DENND4C: variants seen among roughly 807,000 people sequenced by gnomAD.
DENND4C encodes DENN domain-containing protein 4C.
Under a neutral mutation model 203.0 loss-of-function variants are expected in DENND4C, and 108 were observed. The ratio of observed to expected loss-of-function variants is 0.53; its 90% CI spans 0.46 to 0.62. The LOEUF is 0.62. DENND4C is among the 20% of genes least tolerant of loss of function. The probability of loss-of-function intolerance (pLI) is 0.00; values close to 1 mark genes in which losing one functional copy is unlikely to be tolerated. For missense variants in DENND4C, 2,481 were observed against 2,301.2 expected, an observed-to-expected ratio of 1.08 and a Z score of -1.60; for synonymous variants, 871 against 792.4, an observed-to-expected ratio of 1.10 and a Z score of -1.67.
At chr9:19,328,887 A>T (rs1040093954) in intron 16 of DENND4C, among the ~76,000 whole-genome samples, 6 of 151,914 alleles carry the variant, frequency 3.9e-5, no homozygotes, top group Non-Finnish European at 7.4e-5. Context: ...CGTCTCTACT[A>T]AAAATACAAA....
intron 30 of DENND4C, among the ~76,000 whole-genome samples, chr9:19,364,425 C>T (rs183760629): frequency 6.6e-6 from 1 of 152,252 alleles, no homozygotes; most frequent in Admixed American, 6.5e-5. Flanking sequence ...GAACTCTGTT[C>T]TATAGAAATA....
chr9:19,268,705 T>C (rs1487419660), intron 1 of DENND4C, among the ~76,000 whole-genome samples: 1 of 152,004 alleles, frequency 6.6e-6, no homozygotes, highest in Admixed American at 6.6e-5. Context: ...GTGGATATAC[T>C]GAAAATACAG....
chr9:19,232,315 C>G (rs901237364), intron 1 of DENND4C, among the ~76,000 whole-genome samples: 4 of 151,784 alleles, frequency 2.6e-5, no homozygotes, highest in African/African-American at 7.3e-5. Context: ...TCCACACTTT[C>G]CTCCGCATTG....
intron 3 of DENND4C, 86 bp downstream of exon 3, chr9:19,287,107 C>G (rs1271358037): frequency 2.7e-6 from 3 of 1,126,406 alleles, no homozygotes; most frequent in Admixed American, 4.2e-5. Flanking sequence ...TGGGTATATA[C>G]TCACATTTTA....
At chr9:19,244,177 C>T (rs542880804) in intron 1 of DENND4C, among the ~76,000 whole-genome samples, 1 of 152,096 alleles carries the variant, frequency 6.6e-6, no homozygotes, top group Non-Finnish European at 1.5e-5. Context: ...ATTACAGGTG[C>T]ACACCATCAC....
In DENND4C at chr9:19,336,919, T is replaced by G. The variant is rs1001403505; in HGVS notation, c.2881+87T>G. 4.7e-6 allele frequency: 6 copies of G among 1,279,694 alleles called. No homozygotes were observed. In the African/African-American group the frequency reaches 7.5e-5, roughly 16 times the overall value. The allele number at this position is 1,279,694 out of a possible 1,614,324, so 79.3% of individuals were successfully genotyped here. A position where few individuals can be genotyped will look rare whatever the true frequency, so the allele number is the denominator to read the frequency against. ...AAAAAGCTTCTTCCATTCTTGAGTT[T>G]GTGTGATATGACTACTTTAAAAGTA... On this transcript the variant is annotated intron_variant, in intron 20 of 32. Transcript: ENST00000434457.
chr9:19,272,500 T>G (rs1051402938), intron 1 of DENND4C, among the ~76,000 whole-genome samples: 2 of 151,832 alleles, frequency 1.3e-5, no homozygotes, highest in African/African-American at 4.8e-5. Context: ...CAATCCTCCC[T>G]CCCACCTCGG....
At chr9:19,353,101 CAAAG>C (rs958205995) in intron 26 of DENND4C, among the ~76,000 whole-genome samples, 5 of 151,950 alleles carry the variant, frequency 3.3e-5, no homozygotes, top group Non-Finnish European at 7.4e-5. Flanking sequence ...TTAGAAGAAA[CAAAG>C]GGGAAAAAAA....
intron 8 of DENND4C, among the ~76,000 whole-genome samples, chr9:19,299,641 T>C (rs1838149206): frequency 6.6e-6 from 1 of 152,222 alleles, no homozygotes; most frequent in Non-Finnish European, 1.5e-5. Context: ...ATCTGCATCA[T>C]AGTAGGCTTC....
At chr9:19,262,440 TATC>T (rs1433798978) in intron 1 of DENND4C, among the ~76,000 whole-genome samples, 1 of 145,134 alleles carries the variant, frequency 6.9e-6, no homozygotes, top group East Asian at 2.1e-4. Context: ...TTTCCAAATA[TATC>T]ATATCTTTTT....
At chr9:19,243,986 A>C (rs1824443529) in intron 1 of DENND4C, among the ~76,000 whole-genome samples, 1 of 151,194 alleles carries the variant, frequency 6.6e-6, no homozygotes, top group Admixed American at 6.6e-5. Flanking sequence ...AATTTTTAAA[A>C]ATTTTTTTGT....
intron 9 of DENND4C, among the ~76,000 whole-genome samples, chr9:19,304,070 A>G (rs1297546744): frequency 8.6e-5 from 13 of 151,094 alleles, no homozygotes; most frequent in Admixed American, 8.5e-4. Context: ...AAACCCACAA[A>G]TGATGCAATT....
chr9:19,301,685 T>C (rs1223594910), intron 9 of DENND4C, among the ~76,000 whole-genome samples: 1 of 152,194 alleles, frequency 6.6e-6, no homozygotes, highest in African/African-American at 2.4e-5. Context: ...ACACCTGTAA[T>C]CCCAGCACTT....
chr9:19,247,961 C>G (rs1236630027), intron 1 of DENND4C, among the ~76,000 whole-genome samples: 1 of 152,146 alleles, frequency 6.6e-6, no homozygotes, highest in African/African-American at 2.4e-5. Context: ...TGCTCCCACT[C>G]CTTTGCCCTA....
chr9:19,268,505 G>C (rs1201628571), intron 1 of DENND4C, among the ~76,000 whole-genome samples: 6 of 152,164 alleles, frequency 3.9e-5, no homozygotes, highest in Admixed American at 1.3e-4. Context: ...GTTTGTCTAT[G>C]TATTTGCTAT....
At chr9:19,353,496 C>T (rs778066878) in intron 26 of DENND4C, among the ~76,000 whole-genome samples, 2 of 151,754 alleles carry the variant, frequency 1.3e-5, no homozygotes, top group Middle Eastern at 3.2e-3. Context: ...GGTGTGGCGG[C>T]GTGCGCCTGT....
At position 19,361,867 on chromosome 9, in the gene DENND4C, C is replaced by A; in HGVS notation, c.5428C>A (p.Gln1810Lys). 6.2e-7 allele frequency: 1 copy of A among 1,608,624 alleles called. No homozygotes were observed. Among genetic ancestry groups the A allele is most frequent in the South Asian group, 1.1e-5 (1 of 90,894 alleles). Residue 1810 changes from glutamine (Q) to lysine (K), a missense_variant, in exon 30 of 33, where the codon CAG (glutamine) becomes AAG (lysine). Coordinates refer to ENST00000434457, the MANE Select transcript of DENND4C (RefSeq NM_001330640.2). ...TTAGCTTCCTCTGTCATCTCTGTCC[C>A]AGGATAGCAAACTTGTGTATATTCA... ...GVQLPLSSLS[Q>K]DSKLVYIQLL...
rs763541856 is a variant in DENND4C at position 19,347,106 on chromosome 9, G to C, written c.4317+20G>C. On this transcript the variant is annotated intron_variant, in intron 23 of 32. Coordinates refer to ENST00000434457, the MANE Select transcript of DENND4C (RefSeq NM_001330640.2). ...GATGAGGTAAGAAAGCTTTATGTGT[G>C]TAGTCTGTCTGCTATTGGAGTGTTT... is the stretch of plus-strand genomic sequence containing the variant. 10 of 1,592,766 alleles carry C rather than the reference G, an allele frequency of 6.3e-6. No homozygotes were observed. The highest frequency in any genetic ancestry group is 8.6e-6 in the Non-Finnish European group (10 of 1,164,252).
At chr9:19,333,050 T>C (rs942083269) in intron 17 of DENND4C, among the ~76,000 whole-genome samples, 2 of 151,574 alleles carry the variant, frequency 1.3e-5, no homozygotes, top group Non-Finnish European at 2.9e-5. Flanking sequence ...ATATATATAC[T>C]CGTGCCCAAG....
Sources: allele counts gnomAD v4.1 joint callset (sites outside exome capture counted in the v4.1 genomes callset), GRCh38; gene constraint gnomAD v4.1.1; transcripts MANE v1.5; gene names NCBI Gene and HGNC (gene_info 2026-07-23, HGNC 2026-07-21).